ST7: variants seen among roughly 807,000 people sequenced by gnomAD.
ST7 encodes suppressor of tumorigenicity 7 protein.
Under a neutral mutation model 78.7 loss-of-function variants are expected in ST7, and 28 were observed. The ratio of observed to expected loss-of-function variants is 0.36; its 90% CI spans 0.26 to 0.49. ST7 has a LOEUF of 0.49. Among genes scored for constraint, ST7 ranks in the 20% least tolerant of loss-of-function variants. ST7 has a pLI of 0.99. For missense variants in ST7, 418 were observed against 696.0 expected, an observed-to-expected ratio of 0.60 and a Z score of 4.49; for synonymous variants, 247 against 249.6, an observed-to-expected ratio of 0.99 and a Z score of 0.10.
intron 1 of ST7, among the ~76,000 whole-genome samples, chr7:117,005,325 T>A (rs553411291): frequency 1.3e-5 from 2 of 152,284 alleles, no homozygotes; most frequent in Admixed American, 1.3e-4. Context: ...TAAAATCTAA[T>A]ATTATTTTAA....
At chr7:117,222,409 C>G (rs553700325) in intron 15 of ST7, among the ~76,000 whole-genome samples, 1 of 152,050 alleles carries the variant, frequency 6.6e-6, no homozygotes, top group East Asian at 1.9e-4. Flanking sequence ...TATTTCCAAT[C>G]GTTGGATATT....
intron 13 of ST7, among the ~76,000 whole-genome samples, chr7:117,214,651 A>G (rs549729839): frequency 6.6e-6 from 1 of 151,628 alleles, no homozygotes; most frequent in East Asian, 2.0e-4. Flanking sequence ...TAATAGCCAG[A>G]CTCCAGATAT....
chr7:117,172,175 A>T (rs1162874614), intron 10 of ST7, among the ~76,000 whole-genome samples: 2 of 151,364 alleles, frequency 1.3e-5, no homozygotes. Context: ...CTGGTCTCAA[A>T]CTCCTGTGAA....
Position 116,981,103 on chromosome 7 carries a change from T to C in ST7, c.151+27412T>C, listed in dbSNP as rs184919249. 1.1e-4 allele frequency among the ~76,000 whole-genome samples: 17 copies of C among 152,116 alleles called. No homozygotes were observed. The East Asian group carries it at 3.3e-3, about 29-fold the overall frequency. The stretch of plus-strand genomic sequence containing the variant: ...AGAATACCATTCAATTTGAATTTGT[T>C]CAGTAGTTTTGTTTTTTTTTTTAAA... On this transcript the variant is annotated intron_variant, in intron 1 of 15. Coordinates refer to ENST00000323984, the MANE Select transcript of ST7 (RefSeq NM_001369598.1).
intron 1 of ST7, chr7:116,968,457 C>T (rs1328943481): frequency 2.2e-6 from 1 of 452,950 alleles, no homozygotes; most frequent in Non-Finnish European, 4.5e-6. Context: ...ATCCTTCTGC[C>T]TCAACCTTCT....
chr7:117,058,331 T>A (rs1336228177), intron 1 of ST7, among the ~76,000 whole-genome samples: 1 of 152,216 alleles, frequency 6.6e-6, no homozygotes, highest in East Asian at 1.9e-4. Context: ...CATGATTTTT[T>A]AAAGCTTTAT....
intron 1 of ST7, among the ~76,000 whole-genome samples, chr7:117,057,250 T>G (rs1007082398): frequency 4.6e-5 from 7 of 152,222 alleles, no homozygotes; most frequent in African/African-American, 1.4e-4. Flanking sequence ...TAACTCCATT[T>G]ATTCTTCATA....
At chr7:117,135,099 G>A (rs1431182713) in intron 7 of ST7, among the ~76,000 whole-genome samples, 1 of 152,042 alleles carries the variant, frequency 6.6e-6, no homozygotes, top group East Asian at 1.9e-4. Flanking sequence ...GTGAGGCAGT[G>A]GGGAAGGAGA....
intron 1 of ST7, among the ~76,000 whole-genome samples, chr7:117,000,075 T>A (rs1794854247): frequency 6.6e-6 from 1 of 152,192 alleles, no homozygotes; most frequent in African/African-American, 2.4e-5. Context: ...CCTCCCAAAG[T>A]GCTGGGATTA....
chr7:117,132,649 G>A (rs1403658500), intron 6 of ST7, among the ~76,000 whole-genome samples: 1 of 151,014 alleles, frequency 6.6e-6, no homozygotes, highest in Non-Finnish European at 1.5e-5. Context: ...TTCTGAAGAA[G>A]GTTACAGAAT....
intron 1 of ST7, among the ~76,000 whole-genome samples, chr7:117,071,034 A>G (rs1048258030): frequency 5.9e-5 from 9 of 152,080 alleles, no homozygotes; most frequent in African/African-American, 1.9e-4. Context: ...CTTGGTTAAC[A>G]CGGTGAAACG....
intron 9 of ST7, among the ~76,000 whole-genome samples, chr7:117,155,575 T>G (rs1006316374): frequency 2.6e-5 from 4 of 152,154 alleles, no homozygotes; most frequent in Non-Finnish European, 5.9e-5. Flanking sequence ...TTTGGACATA[T>G]GTATCTCAAC....
intron 1 of ST7, among the ~76,000 whole-genome samples, chr7:116,989,452 C>T (rs962859708): frequency 1.3e-5 from 2 of 152,030 alleles, no homozygotes; most frequent in African/African-American, 4.8e-5. Flanking sequence ...AATTCTGTTA[C>T]CCCCTCTCTT....
intron 1 of ST7, among the ~76,000 whole-genome samples, chr7:116,961,242 G>A (rs1402279335): frequency 6.6e-6 from 1 of 152,054 alleles, no homozygotes; most frequent in Admixed American, 6.6e-5. Flanking sequence ...GATGAGTAGC[G>A]AGTAGCATGA....
chr7:117,116,746 T>C (rs2116922347), intron 2 of ST7, among the ~76,000 whole-genome samples: 1 of 152,246 alleles, frequency 6.6e-6, no homozygotes, highest in South Asian at 2.1e-4. Context: ...GCCCTCCTTT[T>C]CCTCCCCAAG....
intron 2 of ST7, among the ~76,000 whole-genome samples, chr7:117,116,184 G>T (rs1164292783): frequency 6.6e-6 from 1 of 152,052 alleles, no homozygotes; most frequent in Non-Finnish European, 1.5e-5. Context: ...GCATCAACAG[G>T]AAAAAAGCGC....
chr7:117,097,160 G>C (rs1584646128), intron 1 of ST7, among the ~76,000 whole-genome samples: 2 of 152,132 alleles, frequency 1.3e-5, no homozygotes, highest in South Asian at 2.1e-4. Flanking sequence ...TTGCTAGGCA[G>C]TCAACAGCAG....
In ST7 at chr7:117,229,788, A is replaced by C; in HGVS notation, c.1665A>C (p.Leu555Phe). 6.2e-7 allele frequency: 1 copy of C among 1,613,650 alleles called. No homozygotes were observed. The highest frequency in any genetic ancestry group is 8.5e-7 in the Non-Finnish European group (1 of 1,179,936). The change falls in exon 16 of 16, where the codon TTA (leucine) becomes TTC (phenylalanine). Residue 555 changes from leucine (L) to phenylalanine (F), a missense_variant. By Grantham distance (22) the Leu-to-Phe change is conservative. This residue lies in a region of ST7 where 288 missense variants were observed against 537.1 expected (regional missense o/e 0.54). Transcript: ENST00000323984. The part of the protein sequence containing the change: ...KAFLSTLFAP[L>F]NFVMEKVESI... ...TCCTCAGCACTTTGTTTGCCCCCTT[A>C]AACTTTGTCATGGAGAAAGTGGAGA...
chr7:117,054,502 T>A (rs1797963888), intron 1 of ST7, among the ~76,000 whole-genome samples: 1 of 152,200 alleles, frequency 6.6e-6, no homozygotes, highest in South Asian at 2.1e-4. Flanking sequence ...GGAGGTGACA[T>A]TTATTGTTGA....
Sources: gnomAD v4.1 joint callset for allele counts (sites outside exome capture counted in the v4.1 genomes callset) on GRCh38, gnomAD v4.1.1 for gene constraint, gnomAD v4.1.1 regional missense constraint, MANE v1.5 for transcripts, NCBI Gene and HGNC (gene_info 2026-07-23, HGNC 2026-07-21) for gene names.